The following EIF4G3 variants were observed in gnomAD, a reference collection of about 807,000 sequenced individuals.
EIF4G3 encodes the protein eukaryotic translation initiation factor 4 gamma 3, also known as eIF-4-gamma 3.
EIF4G3 carries 34 observed loss-of-function variants against 186.4 expected under a neutral mutation model. The observed-to-expected ratio is 0.18, with a 90% CI of 0.14 to 0.24. The LOEUF is 0.24. Among genes scored for constraint, EIF4G3 ranks in the 10% least tolerant of loss-of-function variants. EIF4G3 has a pLI of 1.00. For synonymous variants in EIF4G3, 673 were observed against 679.5 expected (o/e 0.99, Z 0.15); for missense variants, 1,536 against 1,948.5 (o/e 0.79, Z 3.99).
intron 2 of EIF4G3, among the ~76,000 whole-genome samples, chr1:21,132,164 G>A (rs2097164844): frequency 6.6e-6 from 1 of 151,968 alleles, no homozygotes; most frequent in South Asian, 2.1e-4. Flanking sequence ...CATAGCCAAA[G>A]TGATATTTGT....
At chr1:21,035,038 G>A (rs759412306) in intron 4 of EIF4G3, among the ~76,000 whole-genome samples, 12 of 152,208 alleles carry the variant, frequency 7.9e-5, no homozygotes, top group Admixed American at 2.6e-4. Context: ...GCAAGGAGGC[G>A]GGACAGGGCA....
At chr1:21,128,161 C>G (rs536162107) in intron 2 of EIF4G3, among the ~76,000 whole-genome samples, 6 of 149,340 alleles carry the variant, frequency 4.0e-5, no homozygotes, top group Non-Finnish European at 5.9e-5. Context: ...GAGCCAAGAT[C>G]GAGCCACTGC....
chr1:20,997,819 C>A (rs1394504876), intron 6 of EIF4G3, among the ~76,000 whole-genome samples, 186 bp from the exon 7 acceptor site: 3 of 151,348 alleles, frequency 2.0e-5, no homozygotes, highest in Non-Finnish European at 4.4e-5. Context: ...TAAGATTCAA[C>A]AGGTTAACAG....
chr1:21,028,718 G>A (rs1571304079), intron 4 of EIF4G3, among the ~76,000 whole-genome samples: 1 of 152,186 alleles, frequency 6.6e-6, no homozygotes, highest in East Asian at 1.9e-4. Context: ...AACTTCACAA[G>A]CTATATACAG....
At chr1:20,985,859 T>C (rs1209043945) in intron 7 of EIF4G3, among the ~76,000 whole-genome samples, 1 of 152,140 alleles carries the variant, frequency 6.6e-6, no homozygotes, top group Non-Finnish European at 1.5e-5. Flanking sequence ...ACAAATTCTT[T>C]TCATAATTAA....
At chr1:20,973,877 T>C (rs1337540220) in intron 10 of EIF4G3, among the ~76,000 whole-genome samples, 2 of 152,182 alleles carry the variant, frequency 1.3e-5, no homozygotes, top group Admixed American at 6.5e-5. Context: ...ATTATTATAA[T>C]TACTATCAAG....
intron 14 of EIF4G3, among the ~76,000 whole-genome samples, chr1:20,936,683 T>G (rs1444605490): frequency 1.3e-5 from 2 of 152,214 alleles, no homozygotes; most frequent in Non-Finnish European, 2.9e-5. Flanking sequence ...GGTTTTATGT[T>G]TGCTATGTTT....
At chr1:21,173,033 G>C (rs1252365818) in intron 2 of EIF4G3, among the ~76,000 whole-genome samples, 3 of 149,426 alleles carry the variant, frequency 2.0e-5, no homozygotes, top group South Asian at 2.1e-4. Context: ...CAACTACTCA[G>C]GAGGCTGAGG....
chr1:20,907,461 T>A (rs1257355125), intron 14 of EIF4G3, among the ~76,000 whole-genome samples: 1 of 152,074 alleles, frequency 6.6e-6, no homozygotes, highest in Non-Finnish European at 1.5e-5. Flanking sequence ...TACATATGTA[T>A]ACATGTGCCA....
chr1:21,088,830 A>T (rs368258779), intron 3 of EIF4G3, among the ~76,000 whole-genome samples: 1 of 152,064 alleles, frequency 6.6e-6, no homozygotes, highest in East Asian at 1.9e-4. Context: ...ACACCACTGC[A>T]CTCCAGCCTG....
At chr1:21,131,715 C>T (rs968359131) in intron 2 of EIF4G3, among the ~76,000 whole-genome samples, 5 of 151,984 alleles carry the variant, frequency 3.3e-5, no homozygotes, top group Admixed American at 6.6e-5. Flanking sequence ...GGCATGGTGG[C>T]TCACACCTGT....
At chr1:20,817,272 ATAAAT>A (rs377145822) in intron 34 of EIF4G3, 115 bp downstream of exon 34, 6 of 331,468 alleles carry the variant, frequency 1.8e-5, no homozygotes, top group African/African-American at 1.2e-4. Context: ...AAAAAAATAA[ATAAAT>A]AAAAAAAAAT....
chr1:21,155,512 G>T (rs2097643739), intron 2 of EIF4G3, among the ~76,000 whole-genome samples: 1 of 151,970 alleles, frequency 6.6e-6, no homozygotes, highest in Non-Finnish European at 1.5e-5. Context: ...CAGCCTATTA[G>T]GGAGACAGCA....
intron 2 of EIF4G3, among the ~76,000 whole-genome samples, chr1:21,153,220 CT>C (rs1477930351): frequency 1.3e-5 from 2 of 151,866 alleles, no homozygotes; most frequent in Non-Finnish European, 2.9e-5. Context: ...TGAAGGGAAG[CT>C]AAAAAGTACT....
intron 20 of EIF4G3, among the ~76,000 whole-genome samples, chr1:20,870,873 T>A (rs542192024): frequency 1.3e-5 from 2 of 151,996 alleles, no homozygotes; most frequent in Non-Finnish European, 2.9e-5. Flanking sequence ...AGAGGTGGAG[T>A]TGACCATGTC....
intron 14 of EIF4G3, among the ~76,000 whole-genome samples, chr1:20,910,410 C>A (rs541316587): frequency 1.2e-3 from 186 of 152,110 alleles, no homozygotes; most frequent in African/African-American, 4.3e-3. Context: ...ATAGTGAAAT[C>A]CCATCTCTAC....
At chr1:20,923,448 A>G (rs2094627450) in intron 14 of EIF4G3, among the ~76,000 whole-genome samples, 1 of 152,188 alleles carries the variant, frequency 6.6e-6, no homozygotes. Context: ...CACTTCTACC[A>G]TCATCAAAAA....
intron 31 of EIF4G3, among the ~76,000 whole-genome samples, chr1:20,828,895 C>T (rs1437499082): frequency 6.6e-6 from 1 of 152,166 alleles, no homozygotes; most frequent in Non-Finnish European, 1.5e-5. Context: ...TCCAGTTACA[C>T]GATTCTGGAG....
At chr1:20,818,371 G>A (rs1414574888) in intron 33 of EIF4G3, among the ~76,000 whole-genome samples, 1 of 152,154 alleles carries the variant, frequency 6.6e-6, no homozygotes, top group Admixed American at 6.5e-5. Context: ...GGGCGCAGTG[G>A]CTCACACCAG....
Sources: gnomAD v4.1 joint callset for allele counts (sites outside exome capture counted in the v4.1 genomes callset) on GRCh38, gnomAD v4.1.1 for gene constraint, MANE v1.5 for transcripts, NCBI Gene and HGNC (gene_info 2026-07-23, HGNC 2026-07-21) for gene names.